Variants in TPH2 observed in about 807,000 individuals in gnomAD.
TPH2 encodes the protein tryptophan hydroxylase 2.
Under a neutral mutation model 59.1 loss-of-function variants are expected in TPH2, and 27 were observed. The ratio of observed to expected loss-of-function variants is 0.46; its 90% confidence interval spans 0.34 to 0.63. The LOEUF is 0.63. Ranked by LOEUF, TPH2 falls within the 30% of genes least tolerant of loss-of-function variation. The pLI is 0.01. For synonymous variants in TPH2, 220 were observed against 210.5 expected, an observed-to-expected ratio of 1.05 and a Z score of -0.39; for missense variants, 523 against 588.3, an observed-to-expected ratio of 0.89 and a Z score of 1.15.
At chr12:72,029,469 G>A (rs543708678) in intron 9 of TPH2, among the ~76,000 whole-genome samples, 1 of 152,166 alleles carries the variant, frequency 6.6e-6, no homozygotes, top group Non-Finnish European at 1.5e-5. Flanking sequence ...AAGCCAACAG[G>A]AAGCCAATTT....
chr12:71,963,332 T>C lies in TPH2; in HGVS notation c.609-9187T>C, dbSNP rs1220528978. Among the ~76,000 whole-genome samples, 2 of 44,352 alleles carry C rather than the reference T, an allele frequency of 4.5e-5. 1 individual carries two copies. Among genetic ancestry groups the C allele is most frequent in the African/African-American group, 1.2e-4 (2 of 16,190 alleles). The allele number at this position is 44,352 out of a possible 152,430, so 29.1% of individuals were successfully genotyped here. ...TTACATTTGCTTTACGGTTAAACCT[T>C]AATTAGAATTCATCATCAACTCCAT... is the stretch of plus-strand genomic sequence containing the variant. On this transcript the variant is annotated intron_variant, in intron 5 of 10. Transcript: ENST00000333850.
At chr12:71,996,273 G>A (rs1353208469) in intron 8 of TPH2, among the ~76,000 whole-genome samples, 2 of 152,206 alleles carry the variant, frequency 1.3e-5, no homozygotes, top group Non-Finnish European at 2.9e-5. Flanking sequence ...GAGAGTGAGA[G>A]CAAGGAGAAA....
At position 72,032,396 on chromosome 12, in the gene TPH2, T is replaced by C. The variant is rs1297216427; in HGVS notation, c.*701T>C. 6.6e-6 allele frequency: 1 copy of C among 152,442 alleles called. No homozygotes were observed. The highest frequency in any genetic ancestry group is 2.4e-5 in the African/African-American group (1 of 41,442). 9.4% of individuals were successfully genotyped at this position (152,442 alleles called of 1,614,324 possible). On this transcript the variant is annotated 3_prime_UTR_variant, in exon 11 of 11. Transcript: ENST00000333850. ...AAGACTAAACAGTGGACAATCAATCTTGGGACTATGAATTTTATGCTGGAA... is the reference window on the plus strand; with the variant it reads ...AAGACTAAACAGTGGACAATCAATCCTGGGACTATGAATTTTATGCTGGAA...
chr12:72,019,735 C>G (rs1428411195), intron 8 of TPH2, among the ~76,000 whole-genome samples: 3 of 152,180 alleles, frequency 2.0e-5, no homozygotes, highest in Non-Finnish European at 4.4e-5. Flanking sequence ...TTGCCTTGTT[C>G]ATTGCATATC....
intron 9 of TPH2, among the ~76,000 whole-genome samples, chr12:72,024,623 A>C (rs546747123): frequency 6.6e-6 from 1 of 152,346 alleles, no homozygotes; most frequent in Admixed American, 6.5e-5. Flanking sequence ...GTGTCTATTT[A>C]CATCCTCCTC....
At chr12:71,993,701 A>G (rs1441864804) in intron 7 of TPH2, among the ~76,000 whole-genome samples, 1 of 152,198 alleles carries the variant, frequency 6.6e-6, no homozygotes, top group Non-Finnish European at 1.5e-5. Flanking sequence ...AGAGCCATAA[A>G]TCATCTACTG....
intron 8 of TPH2, among the ~76,000 whole-genome samples, chr12:72,014,067 G>T (rs1298862889): frequency 1.3e-5 from 2 of 152,140 alleles, no homozygotes; most frequent in African/African-American, 4.8e-5. Context: ...TTGGACCAGT[G>T]GTACTTGGAA....
chr12:72,027,074 T>C (rs911181461), intron 9 of TPH2, among the ~76,000 whole-genome samples: 1 of 152,092 alleles, frequency 6.6e-6, no homozygotes, highest in Non-Finnish European at 1.5e-5. Flanking sequence ...TTTTTCCAAC[T>C]TTAACCAGTC....
At chr12:71,969,414 A>G (rs1355968515) in intron 5 of TPH2, among the ~76,000 whole-genome samples, 1 of 152,202 alleles carries the variant, frequency 6.6e-6, no homozygotes, top group Non-Finnish European at 1.5e-5. Context: ...AATTCAAAGA[A>G]ATACAACACA....
chr12:71,988,033 G>C (rs1221771138), intron 7 of TPH2, among the ~76,000 whole-genome samples: 1 of 152,184 alleles, frequency 6.6e-6, no homozygotes, highest in Non-Finnish European at 1.5e-5. Flanking sequence ...CAAGTGTTCA[G>C]TAGACACCTG....
At chr12:72,005,581 G>A (rs905396186) in intron 8 of TPH2, among the ~76,000 whole-genome samples, 13 of 152,132 alleles carry the variant, frequency 8.5e-5, no homozygotes, top group Admixed American at 2.6e-4. Flanking sequence ...AAGGAGCATC[G>A]AGGTTTGCAT....
At chr12:71,943,645 A>G (rs1566111189) in intron 2 of TPH2, among the ~76,000 whole-genome samples, 1 of 151,856 alleles carries the variant, frequency 6.6e-6, no homozygotes, top group Non-Finnish European at 1.5e-5. Context: ...CCTCCTTGCA[A>G]TCATCTAAGT....
intron 8 of TPH2, among the ~76,000 whole-genome samples, chr12:72,018,032 C>T (rs749397179): frequency 1.8e-4 from 28 of 152,208 alleles, no homozygotes; most frequent in Admixed American, 3.9e-4. Context: ...ATGCAACTTA[C>T]CATTTCTCTT....
chr12:71,942,034 G>A (rs1396148774), intron 2 of TPH2, among the ~76,000 whole-genome samples: 1 of 152,130 alleles, frequency 6.6e-6, no homozygotes, highest in Non-Finnish European at 1.5e-5. Flanking sequence ...GAAAACACAA[G>A]AGCCAAACAG....
intron 5 of TPH2, among the ~76,000 whole-genome samples, chr12:71,952,309 A>T (rs1871371129): frequency 6.6e-6 from 1 of 152,144 alleles, no homozygotes; most frequent in Non-Finnish European, 1.5e-5. Flanking sequence ...GGACATTTAC[A>T]CAAAAGAGGG....
intron 9 of TPH2, 68 bp from the exon 10 acceptor site, chr12:72,031,190 A>C (rs1461860482): frequency 1.2e-6 from 2 of 1,602,440 alleles, no homozygotes; most frequent in Non-Finnish European, 1.7e-6. Context: ...GTGTTGTAAA[A>C]ATGTGATGTC....
At chr12:71,979,385 T>C (rs542598487) in intron 7 of TPH2, among the ~76,000 whole-genome samples, 3 of 152,228 alleles carry the variant, frequency 2.0e-5, no homozygotes, top group Admixed American at 6.5e-5. Flanking sequence ...AAGTGTAAAG[T>C]AGACACTGAC....
chr12:71,945,815 G>C (rs139256948), intron 4 of TPH2, among the ~76,000 whole-genome samples: 1,566 of 152,128 alleles, frequency 0.01, 26 homozygotes, highest in African/African-American at 0.033. Flanking sequence ...TGGTCAAACA[G>C]ACCTAATTCA....
At chr12:71,985,485 G>A (rs1036618716) in intron 7 of TPH2, among the ~76,000 whole-genome samples, 4 of 152,012 alleles carry the variant, frequency 2.6e-5, no homozygotes, top group Non-Finnish European at 5.9e-5. Flanking sequence ...TGTAACCTCC[G>A]CCTCCTGGGT....
Sources: gnomAD v4.1 joint callset for allele counts (sites outside exome capture counted in the v4.1 genomes callset) on GRCh38, gnomAD v4.1.1 for gene constraint, MANE v1.5 for transcripts, NCBI Gene and HGNC (gene_info 2026-07-23, HGNC 2026-07-21) for gene names.